Variants in TNFSF10 observed in about 807,000 individuals in gnomAD.
TNFSF10 encodes tumor necrosis factor ligand superfamily member 10.
TNFSF10 carries 13 observed loss-of-function variants against 29.5 expected under a neutral mutation model. The observed-to-expected ratio is 0.44, with a 90% confidence interval of 0.29 to 0.70. The LOEUF (loss-of-function observed/expected upper bound fraction) is 0.70. Among genes scored for constraint, TNFSF10 ranks in the 30% least tolerant of loss-of-function variants. The pLI, the probability that TNFSF10 is intolerant of heterozygous loss-of-function variation, is 0.13. For synonymous variants in TNFSF10, 111 were observed against 112.8 expected (o/e 0.98, Z 0.10); for missense variants, 345 against 330.9 (o/e 1.04, Z -0.33).
chr3:172,522,077 C>A (rs1056496737), intron 1 of TNFSF10, among the ~76,000 whole-genome samples: 8 of 36,334 alleles, frequency 2.2e-4, no homozygotes, highest in South Asian at 1.5e-3. Context: ...AGCATTAGAA[C>A]AAATCCTAAT....
chr3:172,514,656 G>T (rs909188099), intron 2 of TNFSF10, among the ~76,000 whole-genome samples: 5 of 152,228 alleles, frequency 3.3e-5, no homozygotes, highest in Non-Finnish European at 7.3e-5. Flanking sequence ...TAGACCAGGA[G>T]TCGGCCAGGT....
At chr3:172,508,901 G>A (rs1383912959) in intron 4 of TNFSF10, among the ~76,000 whole-genome samples, 2 of 146,260 alleles carry the variant, frequency 1.4e-5, no homozygotes, top group African/African-American at 5.1e-5. Context: ...AAAAAAAAAG[G>A]AAAGAAAGAA....
Position 172,506,176 on chromosome 3 carries a change from C to T in TNFSF10, c.*316G>A, listed in dbSNP as rs777683625. 1.9e-5 allele frequency: 5 copies of T among 266,124 alleles called. No homozygotes were observed. The highest frequency in any genetic ancestry group is 3.5e-5 in the Non-Finnish European group (5 of 142,112). The allele number at this position is 266,124 out of a possible 1,614,324, so 16.5% of individuals were successfully genotyped here. On this transcript the variant is annotated 3_prime_UTR_variant, in exon 5 of 5. Coordinates refer to ENST00000241261, the MANE Select transcript of TNFSF10 (RefSeq NM_003810.4). ...CTTTACAAGGAGTAGATTATAAAGA[C>T]AGAAGATGTTAACCATTGCATTAAT...
intron 2 of TNFSF10, among the ~76,000 whole-genome samples, chr3:172,512,087 A>C (rs1305957965): frequency 6.6e-6 from 1 of 152,198 alleles, no homozygotes; most frequent in Non-Finnish European, 1.5e-5. Flanking sequence ...AGCAGAGCCC[A>C]GGGGCTTAAA....
chr3:172,510,754 G>T (rs3136597), intron 3 of TNFSF10, among the ~76,000 whole-genome samples: 40,979 of 151,608 alleles, frequency 0.27, 6,579 homozygotes, highest in African/African-American at 0.46. Context: ...CACCTTTGGA[G>T]AAATGATAAG....
chr3:172,507,335 A>G (rs750981079), intron 4 of TNFSF10: 22 of 161,108 alleles, frequency 1.4e-4, no homozygotes, highest in Non-Finnish European at 2.6e-4. Context: ...AAACGTATCT[A>G]TTTCTTTAGG....
At chr3:172,517,810 G>A in intron 1 of TNFSF10, 1 of 982,478 alleles carries the variant, frequency 1.0e-6, no homozygotes. Flanking sequence ...AGGAAAAAAA[G>A]TACCCATAAT....
In TNFSF10 at chr3:172,507,651, A is replaced by G. The variant is rs1030551866; in HGVS notation, c.419-732T>C. Reference sequence around the variant, plus strand: ...CGTAAACCAGTTATATTTATTGATGAGTAGCAAGCAGTAACATCATAATAA... The same window carrying G: ...CGTAAACCAGTTATATTTATTGATGGGTAGCAAGCAGTAACATCATAATAA... On this transcript the variant is annotated intron_variant, in intron 4 of 4. Transcript: ENST00000241261. Among the ~76,000 whole-genome samples the G allele has an allele frequency of 1.1e-4, 16 of 152,340 alleles. 1 individual carries two copies. The Middle Eastern group carries it at 0.014, about 130-fold the overall frequency.
At chr3:172,522,139 C>A in intron 1 of TNFSF10, 1 of 302,240 alleles carries the variant, frequency 3.3e-6, no homozygotes, top group Non-Finnish European at 6.5e-6. Flanking sequence ...AGCAAACCAC[C>A]ATGGCACATG....
At chr3:172,512,396 T>C (rs1713262497) in intron 2 of TNFSF10, among the ~76,000 whole-genome samples, 1 of 152,216 alleles carries the variant, frequency 6.6e-6, no homozygotes. Context: ...CATCCATGGC[T>C]TCTGAATTCA....
chr3:172,523,136 C>T, intron 1 of TNFSF10, 117 bp downstream of exon 1: 2 of 1,290,318 alleles, frequency 1.6e-6, no homozygotes, highest in Non-Finnish European at 2.1e-6. Context: ...TTAGAGTGTA[C>T]CCACAGAGAA....
chr3:172,516,550 A>G (rs898866039), intron 1 of TNFSF10, among the ~76,000 whole-genome samples: 5 of 152,164 alleles, frequency 3.3e-5, no homozygotes, highest in Non-Finnish European at 5.9e-5. Context: ...GAGTTAATAA[A>G]TTTCTTCCAC....
intron 1 of TNFSF10, among the ~76,000 whole-genome samples, chr3:172,521,010 C>T (rs1164701834): frequency 1.3e-5 from 2 of 152,140 alleles, no homozygotes; most frequent in Non-Finnish European, 2.9e-5. Flanking sequence ...ATGCAGAAAA[C>T]AGAAACTGGG....
chr3:172,517,744 A>G, intron 1 of TNFSF10: 1 of 984,478 alleles, frequency 1.0e-6, no homozygotes, highest in Non-Finnish European at 1.2e-6. Flanking sequence ...CATGGATAGC[A>G]TGGATATTTT....
At chr3:172,521,744 C>T (rs562112960) in intron 1 of TNFSF10, among the ~76,000 whole-genome samples, 6 of 152,330 alleles carry the variant, frequency 3.9e-5, no homozygotes, top group African/African-American at 1.4e-4. Context: ...CACATGCACA[C>T]ATATGTTTAT....
chr3:172,509,497 A>G (rs2108444954), intron 3 of TNFSF10, among the ~76,000 whole-genome samples, 176 bp from the exon 4 acceptor site: 1 of 152,342 alleles, frequency 6.6e-6, no homozygotes, highest in Non-Finnish European at 1.5e-5. Context: ...TCAGCTTATG[A>G]TCAACTTGAA....
At chr3:172,519,391 A>G (rs1198929828) in intron 1 of TNFSF10, among the ~76,000 whole-genome samples, 3 of 152,206 alleles carry the variant, frequency 2.0e-5, no homozygotes, top group Non-Finnish European at 2.9e-5. Context: ...GGTTGATTCA[A>G]TCTTAAAATT....
rs538628655 is a variant in TNFSF10, at chr3:172,506,431, G to C, written c.*61C>G. On this transcript the variant is annotated 3_prime_UTR_variant, in exon 5 of 5. Transcript: ENST00000241261. ...TCAGATTTTTTGAAACATCTTCATA[G>C]TGTATCATCCTGAAAACTGAATAGT... 2 of 1,501,814 alleles carry C rather than the reference G, an allele frequency of 1.3e-6. No homozygotes were observed. The highest frequency in any genetic ancestry group is 2.8e-5 in the African/African-American group (2 of 71,308). The allele number at this position is 1,501,814 out of a possible 1,614,324, so 93.0% of individuals were successfully genotyped here.
chr3:172,510,950 A>G (rs1332670178), intron 3 of TNFSF10, among the ~76,000 whole-genome samples: 1 of 152,208 alleles, frequency 6.6e-6, no homozygotes, highest in Non-Finnish European at 1.5e-5. Context: ...AGTGCAGGGA[A>G]TTTACTTAGA....
Sources: gnomAD v4.1 joint callset for allele counts (sites outside exome capture counted in the v4.1 genomes callset) on GRCh38, gnomAD v4.1.1 for gene constraint, MANE v1.5 for transcripts, NCBI Gene and HGNC (gene_info 2026-07-23, HGNC 2026-07-21) for gene names.